Variants in ULK4 observed in about 807,000 individuals in gnomAD.
The protein encoded by ULK4 is inactive serine/threonine-protein kinase ULK4.
A neutral mutation model predicts 160.6 loss-of-function variants in ULK4; 133 were observed. The ratio of observed to expected loss-of-function variants is 0.83; its 90% CI spans 0.72 to 0.96. The LOEUF is 0.96. ULK4 is among the 40% of genes least tolerant of loss of function. The pLI is 0.00. For synonymous variants in ULK4, 534 were observed against 539.8 expected (o/e 0.99, Z 0.15); for missense variants, 1,580 against 1,499.5 (o/e 1.05, Z -0.89).
intron 27 of ULK4, among the ~76,000 whole-genome samples, chr3:41,690,005 G>A (rs1358167166): frequency 3.0e-4 from 45 of 148,250 alleles, no homozygotes; most frequent in Middle Eastern, 3.4e-3. Context: ...TGTTTACTGC[G>A]GCACTATTCA....
chr3:41,839,868 C>A (rs912687533), intron 17 of ULK4, among the ~76,000 whole-genome samples: 1 of 151,998 alleles, frequency 6.6e-6, no homozygotes, highest in Non-Finnish European at 1.5e-5. Context: ...AAAAATCTAA[C>A]AAAACAGGTA....
chr3:41,457,652 T>C (rs2083586001), intron 33 of ULK4, among the ~76,000 whole-genome samples: 1 of 152,174 alleles, frequency 6.6e-6, no homozygotes, highest in African/African-American at 2.4e-5. Flanking sequence ...CTCTCTCCAA[T>C]TTCCCAACAT....
At position 41,470,174 on chromosome 3, in the gene ULK4, CA is replaced by C. The variant is rs200510915; in HGVS notation, c.3227-6922del. 6.4e-3 allele frequency among the ~76,000 whole-genome samples: 968 copies of C among 152,004 alleles called. 10 individuals carry two copies. The highest frequency in any genetic ancestry group is 0.02 in the South Asian group (95 of 4,820). ...ACCAAAAGAAGAGTTCACCAGGACA[CA>C]TAATCAAATTATGAAAAATCAAAGA... On this transcript the variant is annotated intron_variant, in intron 32 of 36. Transcript: ENST00000301831.
intron 32 of ULK4, among the ~76,000 whole-genome samples, chr3:41,498,576 CTTTTTTT>C (rs56321420): frequency 2.1e-5 from 3 of 144,174 alleles, no homozygotes; most frequent in African/African-American, 7.7e-5. Flanking sequence ...TCTTTTTTTT[CTTTTTTT>C]TTTTTTTGCT....
intron 34 of ULK4, among the ~76,000 whole-genome samples, chr3:41,429,931 T>G (rs2082865197): frequency 6.6e-6 from 1 of 152,152 alleles, no homozygotes; most frequent in South Asian, 2.1e-4. Context: ...TTTTAAAAAG[T>G]TTATTACAGA....
intron 35 of ULK4, among the ~76,000 whole-genome samples, chr3:41,390,190 T>C (rs1023574014): frequency 1.3e-5 from 2 of 152,182 alleles, no homozygotes; most frequent in African/African-American, 4.8e-5. Context: ...TGATTGTAGT[T>C]TGTATTTCTG....
At chr3:41,774,428 TTC>T (rs1271270455) in intron 21 of ULK4, among the ~76,000 whole-genome samples, 2 of 150,578 alleles carry the variant, frequency 1.3e-5, no homozygotes, top group Non-Finnish European at 2.9e-5. Context: ...GAACAGACAC[TTC>T]TCAAAAGAAG....
At chr3:41,874,024 AG>A (rs1697212306) in intron 17 of ULK4, among the ~76,000 whole-genome samples, 1 of 152,070 alleles carries the variant, frequency 6.6e-6, no homozygotes, top group South Asian at 2.1e-4. Flanking sequence ...GAAAAACTAT[AG>A]GGAAAAATAA....
intron 16 of ULK4, among the ~76,000 whole-genome samples, chr3:41,889,524 G>A (rs979499190): frequency 1.9e-4 from 29 of 152,222 alleles, no homozygotes; most frequent in South Asian, 6.2e-4. Flanking sequence ...AACAGACACC[G>A]GGGCCTATTT....
intron 25 of ULK4, 152 bp downstream of exon 25, chr3:41,715,085 A>T: frequency 1.3e-6 from 1 of 746,660 alleles, no homozygotes; most frequent in Non-Finnish European, 2.2e-6. Context: ...ATTTTATTAC[A>T]GTCAACAGAT....
intron 34 of ULK4, among the ~76,000 whole-genome samples, chr3:41,414,957 T>A (rs2082492383): frequency 6.6e-6 from 1 of 152,148 alleles, no homozygotes; most frequent in African/African-American, 2.4e-5. Flanking sequence ...TGAGTCCACA[T>A]ATCACAGAAT....
Position 41,832,991 on chromosome 3 carries a change from G to A in ULK4, c.1764+2873C>T, listed in dbSNP as rs138802174. The stretch of plus-strand genomic sequence containing the variant: ...TGATGCCTCCAGCTTTGTTCTTTTC[G>A]CTTAGGATTGTCTTGGCTATATGGG... On this transcript the variant is annotated intron_variant, in intron 18 of 36. Coordinates refer to ENST00000301831, the MANE Select transcript of ULK4 (RefSeq NM_017886.4). Among the ~76,000 whole-genome samples the A allele has an allele frequency of 6.6e-3, 1,003 of 151,996 alleles. 9 individuals are homozygous for A. The highest frequency in any genetic ancestry group is 0.023 in the African/African-American group (967 of 41,452).
chr3:41,843,971 A>C (rs767506726), intron 17 of ULK4, among the ~76,000 whole-genome samples: 1 of 152,158 alleles, frequency 6.6e-6, no homozygotes. Flanking sequence ...CAGAGTAGCT[A>C]GATACAGAGT....
intron 20 of ULK4, among the ~76,000 whole-genome samples, chr3:41,791,995 A>C (rs989854866): frequency 2.6e-5 from 4 of 152,160 alleles, no homozygotes; most frequent in African/African-American, 9.6e-5. Context: ...CAAATAATTA[A>C]ACTCTACTTT....
At chr3:41,258,461 T>G (rs6780819) in intron 35 of ULK4, 1 of 152,162 alleles carries the variant, frequency 6.6e-6, no homozygotes, top group Non-Finnish European at 1.5e-5. Flanking sequence ...AAGAAAATAA[T>G]GCAAGAGAAC....
At chr3:41,922,687 G>A (rs1320381396) in intron 5 of ULK4, among the ~76,000 whole-genome samples, 1 of 151,958 alleles carries the variant, frequency 6.6e-6, no homozygotes, top group Non-Finnish European at 1.5e-5. Context: ...CCAAGAAGCA[G>A]ACACCAAGAC....
chr3:41,699,228 T>C (rs538514596), intron 27 of ULK4, among the ~76,000 whole-genome samples: 1 of 152,298 alleles, frequency 6.6e-6, no homozygotes, highest in Admixed American at 6.5e-5. Flanking sequence ...TGTTTCTGGG[T>C]TCCATTTGCT....
At chr3:41,952,536 T>A (rs757267072) in intron 2 of ULK4, among the ~76,000 whole-genome samples, 1 of 151,464 alleles carries the variant, frequency 6.6e-6, no homozygotes, top group African/African-American at 2.4e-5. Context: ...CTCACACCCA[T>A]TAGGATGGTT....
intron 35 of ULK4, among the ~76,000 whole-genome samples, chr3:41,269,233 A>G (rs1273923296): frequency 6.6e-6 from 1 of 152,124 alleles, no homozygotes; most frequent in Non-Finnish European, 1.5e-5. Flanking sequence ...ATCCCTTGTA[A>G]ATGGATAATT....
Sources: gnomAD v4.1 joint callset for allele counts (sites outside exome capture counted in the v4.1 genomes callset) on GRCh38, gnomAD v4.1.1 for gene constraint, MANE v1.5 for transcripts, NCBI Gene and HGNC (gene_info 2026-07-23, HGNC 2026-07-21) for gene names.